The following AFDN variants were observed in gnomAD, a reference collection of about 807,000 sequenced individuals.
The protein encoded by AFDN is afadin.
In AFDN, 68 loss-of-function variants were observed where a neutral mutation model predicts 216.6. The ratio of observed to expected loss-of-function variants is 0.31; its 90% CI spans 0.26 to 0.38. The LOEUF (loss-of-function observed/expected upper bound fraction) is 0.38. Ranked by LOEUF, AFDN falls within the 10% of genes least tolerant of loss-of-function variation. The pLI is 1.00. For synonymous variants in AFDN, 868 were observed against 853.7 expected (o/e 1.02, Z -0.29); for missense variants, 2,136 against 2,342.0 (o/e 0.91, Z 1.82).
chr6:167,828,233 T>A (rs1583057826), intron 1 of AFDN, among the ~76,000 whole-genome samples: 1 of 152,278 alleles, frequency 6.6e-6, no homozygotes, highest in African/African-American at 2.4e-5. Context: ...TAATACTTGC[T>A]ATAAAATACT....
intron 22 of AFDN, among the ~76,000 whole-genome samples, chr6:167,923,765 G>A (rs1218692966): frequency 6.6e-6 from 1 of 151,688 alleles, no homozygotes; most frequent in Non-Finnish European, 1.5e-5. Context: ...TGGGATTACA[G>A]GTGCCCGCCA....
At chr6:167,950,478 A>C (rs1795849037) in intron 29 of AFDN, among the ~76,000 whole-genome samples, 1 of 151,648 alleles carries the variant, frequency 6.6e-6, no homozygotes, top group South Asian at 2.1e-4. Flanking sequence ...CTTTGTGTTC[A>C]ACACATTTGT....
At chr6:167,834,653 C>G (rs1408802346) in intron 1 of AFDN, among the ~76,000 whole-genome samples, 1 of 151,870 alleles carries the variant, frequency 6.6e-6, no homozygotes, top group Non-Finnish European at 1.5e-5. Flanking sequence ...ACTTTATTTT[C>G]ATTTCTGCTG....
intron 19 of AFDN, among the ~76,000 whole-genome samples, 156 bp downstream of exon 19, chr6:167,915,589 G>A (rs149400016): frequency 1.3e-3 from 204 of 152,248 alleles, no homozygotes; most frequent in African/African-American, 4.7e-3. Flanking sequence ...TGAGTACTTG[G>A]GCTGCGGTTA....
rs561268398 is a variant in AFDN at position 167,841,722 on chromosome 6, A to G, written c.105+14485A>G. Among the ~76,000 whole-genome samples, 354 of 152,182 alleles carry G rather than the reference A, an allele frequency of 2.3e-3. 1 individual carries two copies. Among genetic ancestry groups the G allele is most frequent in the Non-Finnish European group, 3.4e-3 (228 of 68,004 alleles). ...TTTGATCATCTGTGATGTCCATAAT[A>G]TATCAGTTAGAGTGTTTCAATTTAT... is the stretch of plus-strand genomic sequence containing the variant. On this transcript the variant is annotated intron_variant, in intron 1 of 33. Coordinates refer to ENST00000683244, the MANE Select transcript of AFDN (RefSeq NM_001386888.1).
chr6:167,839,769 C>G (rs974356278), intron 1 of AFDN, among the ~76,000 whole-genome samples: 10 of 152,166 alleles, frequency 6.6e-5, no homozygotes. Context: ...AAAAAGCTCC[C>G]ATTTCAGTAT....
chr6:167,961,174 A>G (rs1302526497), intron 30 of AFDN, among the ~76,000 whole-genome samples: 1 of 152,336 alleles, frequency 6.6e-6, no homozygotes, highest in East Asian at 1.9e-4. Flanking sequence ...TAGAAATTGA[A>G]GCACGTAGGA....
chr6:167,924,245 T>C (rs1306168996), intron 22 of AFDN, among the ~76,000 whole-genome samples: 4 of 152,242 alleles, frequency 2.6e-5, no homozygotes, highest in Admixed American at 2.6e-4. Flanking sequence ...ATATATTTAA[T>C]TACTTAAGTT....
Position 167,955,720 on chromosome 6 carries a change from G to C in AFDN, c.4833+3533G>C, listed in dbSNP as rs140817982. ...ATAATTCAGAGAGTTTCTTTCTTTA[G>C]AAGATAATTATTTTGAGTATTAATA... On this transcript the variant is annotated intron_variant, in intron 30 of 33. Coordinates refer to ENST00000683244, the MANE Select transcript of AFDN (RefSeq NM_001386888.1). 3.4e-3 allele frequency among the ~76,000 whole-genome samples: 511 copies of C among 152,218 alleles called. 1 individual carries two copies. The highest frequency in any genetic ancestry group is 4.4e-3 in the Non-Finnish European group (300 of 68,012).
intron 30 of AFDN, among the ~76,000 whole-genome samples, chr6:167,959,236 G>A (rs1796811598): frequency 2.0e-5 from 3 of 152,206 alleles, no homozygotes; most frequent in Non-Finnish European, 4.4e-5. Flanking sequence ...TCTGAAAAAA[G>A]TGTGTGGGCT....
At chr6:167,965,034 T>C (rs1445318565) in intron 31 of AFDN, 2 of 1,044,580 alleles carry the variant, frequency 1.9e-6, no homozygotes, top group African/African-American at 3.3e-5. Flanking sequence ...GCTGTTGCTG[T>C]TAGTTCCTGG....
rs1321652030 is a variant in AFDN, at chr6:167,907,209, C to T, written c.1689C>T (p.Ala563=). 9.9e-6 allele frequency: 16 copies of T among 1,614,072 alleles called. No homozygotes were observed. In the East Asian group the frequency reaches 2.0e-4, roughly 20 times the overall value. The change falls in exon 13 of 34, where the codon GCC becomes GCT. Residue 563 remains alanine (A), a synonymous_variant. Coordinates refer to ENST00000683244, the MANE Select transcript of AFDN (RefSeq NM_001386888.1). ...TGGACAGCGACAGAGTGTCGTCTGC[C>T]TCTAGCACAGCCGAGCGGGGAATGG... ...TRLDSDRVSS[A]SSTAERGMVK...
At chr6:167,839,946 T>C (rs1436716064) in intron 1 of AFDN, among the ~76,000 whole-genome samples, 2 of 152,168 alleles carry the variant, frequency 1.3e-5, no homozygotes, top group East Asian at 1.9e-4. Flanking sequence ...TTGTACCCAT[T>C]GTGTGTACAC....
intron 1 of AFDN, among the ~76,000 whole-genome samples, chr6:167,843,261 C>T (rs1490565462): frequency 6.6e-6 from 1 of 152,178 alleles, no homozygotes; most frequent in Non-Finnish European, 1.5e-5. Context: ...TGGAGGACTC[C>T]AGACTGCTAA....
At chr6:167,949,754 A>G (rs989505384) in intron 29 of AFDN, among the ~76,000 whole-genome samples, 1 of 152,212 alleles carries the variant, frequency 6.6e-6, no homozygotes, top group South Asian at 2.1e-4. Context: ...TTTGTAGTGC[A>G]TACATTGAAT....
intron 2 of AFDN, among the ~76,000 whole-genome samples, chr6:167,869,385 AAGGT>A (rs1378399208): frequency 2.0e-5 from 3 of 152,216 alleles, no homozygotes; most frequent in Admixed American, 2.0e-4. Context: ...TGTACACTAA[AAGGT>A]AGGGACTTTA....
At chr6:167,829,192 AAATG>A (rs1382287950) in intron 1 of AFDN, among the ~76,000 whole-genome samples, 1 of 152,198 alleles carries the variant, frequency 6.6e-6, no homozygotes, top group Admixed American at 6.5e-5. Context: ...TTTCATAATG[AAATG>A]AATGGTTTTT....
chr6:167,935,082 C>G (rs1793818502), intron 23 of AFDN, among the ~76,000 whole-genome samples: 1 of 152,082 alleles, frequency 6.6e-6, no homozygotes, highest in African/African-American at 2.4e-5. Flanking sequence ...TCTTGTAGCT[C>G]GTTCTACAGG....
At position 167,962,574 on chromosome 6, in the gene AFDN, G is replaced by A. The variant is rs1797149059; in HGVS notation, c.4968+7G>A. The A allele has an allele frequency of 6.2e-7, 1 of 1,613,810 alleles. No homozygotes were observed. Among genetic ancestry groups the A allele is most frequent in the Non-Finnish European group, 8.5e-7 (1 of 1,179,874 alleles). ...ACGAGACGCTGAAGAAAAGGTTATG[G>A]TCCTTTAAGGGCAGCTAGAATTTTA... On this transcript the variant is annotated splice_region_variant and intron_variant, in intron 31 of 33. Coordinates refer to ENST00000683244, the MANE Select transcript of AFDN (RefSeq NM_001386888.1). This position sits in a 1 kb window ranked among gnomAD's most constrained non-coding sequence, Gnocchi z 5.2.
Sources: allele counts gnomAD v4.1 joint callset (sites outside exome capture counted in the v4.1 genomes callset), GRCh38; gene constraint gnomAD v4.1.1; non-coding constraint Gnocchi (gnomAD v3.1); transcripts MANE v1.5; gene names NCBI Gene and HGNC (gene_info 2026-07-23, HGNC 2026-07-21).